FARP1: variants seen among roughly 807,000 people sequenced by gnomAD.
FARP1 encodes FERM, ARH/RhoGEF and pleckstrin domain protein 1.
Under a neutral mutation model 128.8 loss-of-function variants are expected in FARP1, and 52 were observed. The observed-to-expected ratio is 0.40, with a 90% CI of 0.32 to 0.51. FARP1 has a LOEUF of 0.51. Among genes scored for constraint, FARP1 ranks in the 20% least tolerant of loss-of-function variants. The pLI is 0.45. For synonymous variants in FARP1, 580 were observed against 551.8 expected, an observed-to-expected ratio of 1.05 and a Z score of -0.72; for missense variants, 1,333 against 1,367.9, an observed-to-expected ratio of 0.97 and a Z score of 0.40.
At chr13:98,385,908 T>A in intron 8 of FARP1, 94 bp downstream of exon 8, 3 of 1,307,710 alleles carry the variant, frequency 2.3e-6, no homozygotes, top group South Asian at 1.3e-5. Flanking sequence ...GGCTAAGACC[T>A]CTGATGGTTA....
intron 2 of FARP1, among the ~76,000 whole-genome samples, chr13:98,262,102 A>G (rs958579245): frequency 2.3e-4 from 30 of 130,284 alleles, no homozygotes; most frequent in Non-Finnish European, 4.7e-4. Flanking sequence ...TGCAACCTCC[A>G]CCTCCCGGGG....
intron 1 of FARP1, among the ~76,000 whole-genome samples, chr13:98,168,967 T>C (rs1877467160): frequency 6.6e-6 from 1 of 152,232 alleles, no homozygotes; most frequent in South Asian, 2.1e-4. Flanking sequence ...ATTATGACTG[T>C]GTGGACTTGT....
At chr13:98,285,167 TC>T (rs1885106986) in intron 2 of FARP1, among the ~76,000 whole-genome samples, 1 of 152,076 alleles carries the variant, frequency 6.6e-6, no homozygotes, top group Non-Finnish European at 1.5e-5. Context: ...AATGTGCATG[TC>T]CCCTTATTGG....
intron 1 of FARP1, among the ~76,000 whole-genome samples, chr13:98,154,927 A>G (rs1876392336): frequency 6.6e-6 from 1 of 152,212 alleles, no homozygotes; most frequent in Non-Finnish European, 1.5e-5. Flanking sequence ...GATGTCAGCT[A>G]GGAGCTGGGC....
chr13:98,369,458 G>A (rs1194955149), intron 5 of FARP1, among the ~76,000 whole-genome samples: 2 of 150,532 alleles, frequency 1.3e-5, no homozygotes, highest in African/African-American at 4.9e-5. Flanking sequence ...CTGGTGTGCT[G>A]CACCCATTAA....
At chr13:98,219,006 C>CTGAATTTGTAACTGA (rs1881263835) in intron 2 of FARP1, among the ~76,000 whole-genome samples, 2 of 152,308 alleles carry the variant, frequency 1.3e-5, no homozygotes, top group South Asian at 4.1e-4. Context: ...CAGTCCCATA[C>CTGAATTTGTAACTGA]ATGATTAAAC....
chr13:98,385,975 C>T, intron 8 of FARP1, 161 bp downstream of exon 8: 1 of 667,518 alleles, frequency 1.5e-6, no homozygotes, highest in South Asian at 2.0e-5. Flanking sequence ...TTCCCAGGCC[C>T]TCAGCTCCCA....
At position 98,436,506 on chromosome 13, in the gene FARP1, T is replaced by C. The variant is rs535615352; in HGVS notation, c.2274+800T>C. 1.4e-4 allele frequency among the ~76,000 whole-genome samples: 21 copies of C among 152,354 alleles called. No individual in the cohort carries two copies. The East Asian group carries it at 3.9e-3, about 28-fold the overall frequency. On this transcript the variant is annotated intron_variant, in intron 19 of 26. Coordinates refer to ENST00000319562, the MANE Select transcript of FARP1 (RefSeq NM_005766.4). The stretch of plus-strand genomic sequence containing the variant: ...CGAGAGACAACTCACTGTAGCTGCT[T>C]TGATCTGCTGCTGCAGGATCCAGTA...
intron 2 of FARP1, among the ~76,000 whole-genome samples, chr13:98,213,930 A>G (rs947033707): frequency 6.6e-6 from 1 of 152,152 alleles, no homozygotes; most frequent in Non-Finnish European, 1.5e-5. Context: ...GAGCCTGTGC[A>G]TGCAACCCCA....
At chr13:98,233,294 T>A (rs1272940453) in intron 2 of FARP1, among the ~76,000 whole-genome samples, 2 of 152,226 alleles carry the variant, frequency 1.3e-5, no homozygotes, top group Admixed American at 1.3e-4. Context: ...TACTGATGAA[T>A]GCTGGACCTT....
At chr13:98,270,824 C>G (rs1184547876) in intron 2 of FARP1, among the ~76,000 whole-genome samples, 1 of 152,112 alleles carries the variant, frequency 6.6e-6, no homozygotes. Context: ...TTTCTCTCTT[C>G]TCTTCTAAAT....
At chr13:98,160,316 G>A (rs1407278752) in intron 1 of FARP1, among the ~76,000 whole-genome samples, 2 of 152,192 alleles carry the variant, frequency 1.3e-5, no homozygotes, top group Admixed American at 1.3e-4. Flanking sequence ...TGGGGCCTGG[G>A]CTGCCTGGTG....
At chr13:98,148,205 C>G (rs1370686602) in intron 1 of FARP1, among the ~76,000 whole-genome samples, 1 of 152,110 alleles carries the variant, frequency 6.6e-6, no homozygotes, top group Admixed American at 6.6e-5. Context: ...ATGGAGAAAC[C>G]CCGTCTCTAC....
At chr13:98,263,353 G>A (rs143020061) in intron 2 of FARP1, among the ~76,000 whole-genome samples, 244 of 152,192 alleles carry the variant, frequency 1.6e-3, no homozygotes, top group African/African-American at 5.6e-3. Flanking sequence ...GAATCCCTAT[G>A]CTTATATTTA....
intron 1 of FARP1, chr13:98,175,828 A>C (rs1877970806): frequency 3.6e-6 from 1 of 279,732 alleles, no homozygotes; most frequent in African/African-American, 2.2e-5. Context: ...GTCGTCTTCA[A>C]GGTTCATTCT....
intron 25 of FARP1, 190 bp from the exon 26 acceptor site, chr13:98,446,476 A>C (rs1324865874): frequency 6.4e-6 from 4 of 627,678 alleles, no homozygotes; most frequent in African/African-American, 3.7e-5. Flanking sequence ...TCTACAGCTC[A>C]GTCCTGGCGG....
intron 3 of FARP1, among the ~76,000 whole-genome samples, chr13:98,348,834 T>C (rs1888286437): frequency 6.6e-6 from 1 of 152,262 alleles, no homozygotes; most frequent in African/African-American, 2.4e-5. Context: ...ATTTGGCCCA[T>C]GTGCCGTAGT....
At chr13:98,304,833 G>A (rs1324926882) in intron 2 of FARP1, among the ~76,000 whole-genome samples, 3 of 152,116 alleles carry the variant, frequency 2.0e-5, no homozygotes, top group East Asian at 3.9e-4. Flanking sequence ...GAAAATTAAC[G>A]TATTATCTGT....
intron 9 of FARP1, among the ~76,000 whole-genome samples, chr13:98,389,263 C>T (rs772113421): frequency 5.9e-5 from 9 of 152,178 alleles, no homozygotes; most frequent in Admixed American, 6.5e-5. Context: ...TGCAGCACAG[C>T]TTGTTTGTAA....
Sources: gnomAD v4.1 joint callset for allele counts (sites outside exome capture counted in the v4.1 genomes callset) on GRCh38, gnomAD v4.1.1 for gene constraint, MANE v1.5 for transcripts, NCBI Gene and HGNC (gene_info 2026-07-23, HGNC 2026-07-21) for gene names.